The following NCMAP variants were observed in gnomAD, a reference collection of about 807,000 sequenced individuals.
NCMAP encodes the protein noncompact myelin-associated protein.
NCMAP carries 8 observed loss-of-function variants against 7.8 expected under a neutral mutation model. The observed-to-expected ratio is 1.02, with a 90% confidence interval of 0.60 to 1.84. The LOEUF (loss-of-function observed/expected upper bound fraction) is 1.84. NCMAP is among the 40% of genes most tolerant of loss of function. NCMAP has a pLI of 0.00. For synonymous variants in NCMAP, 41 were observed against 52.9 expected, an observed-to-expected ratio of 0.78 and a Z score of 0.98; for missense variants, 112 against 131.4, an observed-to-expected ratio of 0.85 and a Z score of 0.72.
In NCMAP at chr1:24,584,236, A is replaced by T. The variant is rs544580998; in HGVS notation, c.-7-11188A>T. ...TTGGGTCCTTGGCTTGAGCCCAGAG[A>T]CTGAGAGGTAGACGGAAGCCACAGG... is the stretch of plus-strand genomic sequence containing the variant. On this transcript the variant is annotated intron_variant, in intron 1 of 3. Transcript: ENST00000374392. Among the ~76,000 whole-genome samples, 77 of 152,232 alleles carry T rather than the reference A, an allele frequency of 5.1e-4. 3 individuals are homozygous for T. The South Asian group carries it at 0.014, about 27-fold the overall frequency.
intron 1 of NCMAP, among the ~76,000 whole-genome samples, chr1:24,569,011 G>A (rs960005193): frequency 7.4e-6 from 1 of 134,966 alleles, no homozygotes; most frequent in Non-Finnish European, 1.6e-5. Flanking sequence ...TAATATATTT[G>A]TTTTGTTTTG....
chr1:24,566,324 C>A (rs1005628035), intron 1 of NCMAP, among the ~76,000 whole-genome samples: 4 of 152,128 alleles, frequency 2.6e-5, no homozygotes, highest in African/African-American at 9.7e-5. Context: ...CAGGGCCCAC[C>A]TAGCTTCAAG....
At chr1:24,568,185 G>A (rs1313276959) in intron 1 of NCMAP, among the ~76,000 whole-genome samples, 1 of 152,060 alleles carries the variant, frequency 6.6e-6, no homozygotes, top group Admixed American at 6.5e-5. Flanking sequence ...GAGCCCGGGG[G>A]CAGAGAGCAC....
chr1:24,589,818 G>GTTTTTA (rs778480928), intron 1 of NCMAP, among the ~76,000 whole-genome samples: 53 of 152,134 alleles, frequency 3.5e-4, no homozygotes, highest in Non-Finnish European at 6.6e-4. Flanking sequence ...TTAGCTTTAT[G>GTTTTTA]TTTTTATTTT....
At chr1:24,573,390 C>T (rs1291932313) in intron 1 of NCMAP, among the ~76,000 whole-genome samples, 1 of 150,638 alleles carries the variant, frequency 6.6e-6, no homozygotes, top group East Asian at 1.9e-4. Flanking sequence ...GAGTTCAAGA[C>T]CAACCTGGCC....
At chr1:24,597,670 AG>A (rs1652302453) in intron 2 of NCMAP, among the ~76,000 whole-genome samples, 1 of 139,160 alleles carries the variant, frequency 7.2e-6, no homozygotes, top group African/African-American at 2.6e-5. Context: ...AAAGAAAGAA[AG>A]AAAAGAAAAA....
chr1:24,591,139 T>G (rs1486965517), intron 1 of NCMAP, among the ~76,000 whole-genome samples: 1 of 152,218 alleles, frequency 6.6e-6, no homozygotes, highest in Non-Finnish European at 1.5e-5. Flanking sequence ...GTAGCATTAA[T>G]GGCAGACAAA....
Position 24,590,743 on chromosome 1 carries a change from G to A in NCMAP, c.-7-4681G>A, listed in dbSNP as rs552871738. ...CTTCCTCAGCCTCCCAAGTAGTGGG[G>A]ACTACAGGCACACACCACCACCAGG... On this transcript the variant is annotated intron_variant, in intron 1 of 3. Transcript: ENST00000374392. Among the ~76,000 whole-genome samples the A allele has an allele frequency of 2.0e-5, 3 of 152,252 alleles. No homozygotes were observed. The East Asian group carries it at 5.8e-4, about 29-fold the overall frequency.
At chr1:24,565,545 C>T (rs1651201500) in intron 1 of NCMAP, among the ~76,000 whole-genome samples, 1 of 151,008 alleles carries the variant, frequency 6.6e-6, no homozygotes, top group Non-Finnish European at 1.5e-5. Flanking sequence ...GCAAGTGACA[C>T]TGGCCATTTT....
At chr1:24,577,424 T>TTGTTTG (rs1651616572) in intron 1 of NCMAP, among the ~76,000 whole-genome samples, 3 of 145,424 alleles carry the variant, frequency 2.1e-5, no homozygotes, top group Non-Finnish European at 3.0e-5. Context: ...TTTTTTTTTT[T>TTGTTTG]TTTTTTTGGT....
intron 1 of NCMAP, among the ~76,000 whole-genome samples, chr1:24,580,014 G>T (rs1243213488): frequency 6.6e-6 from 1 of 152,182 alleles, no homozygotes; most frequent in African/African-American, 2.4e-5. Context: ...CGAGGGGTAG[G>T]TTCTGGCTAG....
intron 2 of NCMAP, among the ~76,000 whole-genome samples, chr1:24,596,742 CA>C (rs1652242561): frequency 6.6e-6 from 1 of 151,886 alleles, no homozygotes; most frequent in Non-Finnish European, 1.5e-5. Flanking sequence ...TATTGCAAGG[CA>C]AAAAAACATC....
chr1:24,577,682 GT>G (rs1260719162), intron 1 of NCMAP, among the ~76,000 whole-genome samples: 3 of 151,832 alleles, frequency 2.0e-5, no homozygotes, highest in Non-Finnish European at 4.4e-5. Context: ...TTTCTCAGAA[GT>G]TTTCAGTTGC....
chr1:24,595,598 T>C lies in NCMAP; in HGVS notation c.82+86T>C, dbSNP rs1052531683. On this transcript the variant is annotated intron_variant, in intron 2 of 3. Transcript: ENST00000374392. Reference sequence around the variant, plus strand: ...GTGCAGAGGTTAAGAGTGTGGGCTCTGGAGGTGGACTGCCTGGGTCTCAGG... The same window carrying C: ...GTGCAGAGGTTAAGAGTGTGGGCTCCGGAGGTGGACTGCCTGGGTCTCAGG... 1.7e-5 allele frequency: 19 copies of C among 1,092,316 alleles called. No individual in the cohort carries two copies. In the African/African-American group the frequency reaches 3.0e-4, roughly 17 times the overall value. 67.7% of individuals were successfully genotyped at this position (1,092,316 alleles called of 1,614,324 possible).
intron 1 of NCMAP, among the ~76,000 whole-genome samples, chr1:24,568,907 G>A (rs1172346483): frequency 6.6e-6 from 1 of 152,060 alleles, no homozygotes; most frequent in Non-Finnish European, 1.5e-5. Flanking sequence ...AGAGGCATGC[G>A]TCACCATACC....
rs6673388 is a variant in NCMAP at position 24,576,296 on chromosome 1, C to T, written c.-7-19128C>T. On this transcript the variant is annotated intron_variant, in intron 1 of 3. Transcript: ENST00000374392. The surrounding 1 kb of genome is among the most constrained non-coding windows in gnomAD (Gnocchi z 4.0). ...AGAAAAGACAGGCGGCAGGCCAAGACGAGAGTGTAGGTTTAAATGACACCG... is the reference window on the plus strand; with the variant it reads ...AGAAAAGACAGGCGGCAGGCCAAGATGAGAGTGTAGGTTTAAATGACACCG... 0.5 allele frequency among the ~76,000 whole-genome samples: 76,501 copies of T among 152,040 alleles called. 19,695 individuals carry two copies. Among genetic ancestry groups the T allele is most frequent in the Admixed American group, 0.58 (8,813 of 15,268 alleles).
rs765699650 is a variant in NCMAP, at chr1:24,576,528, C to T, written c.-7-18896C>T. On this transcript the variant is annotated intron_variant, in intron 1 of 3. Transcript: ENST00000374392. The surrounding 1 kb of genome is among the most constrained non-coding windows in gnomAD (Gnocchi z 4.0). ...GGAGGGTGTGGAGGCAAACAAGCCT[C>T]GGGGAGGGTGTCCTGAACCAAGTGA... Among the ~76,000 whole-genome samples, 2 of 152,102 alleles carry T rather than the reference C, an allele frequency of 1.3e-5. No homozygotes were observed. The highest frequency in any genetic ancestry group is 1.9e-4 in the East Asian group (1 of 5,162).
At chr1:24,561,685 CA>C (rs1464047581) in intron 1 of NCMAP, among the ~76,000 whole-genome samples, 2 of 152,228 alleles carry the variant, frequency 1.3e-5, no homozygotes, top group Admixed American at 1.3e-4. Context: ...CTGAGGCGGG[CA>C]GATCTCCTGA....
At chr1:24,567,364 G>A (rs1013532091) in intron 1 of NCMAP, among the ~76,000 whole-genome samples, 11 of 152,166 alleles carry the variant, frequency 7.2e-5, no homozygotes, top group African/African-American at 2.4e-4. Context: ...GCTGTGAAGA[G>A]TCTCAGAGGA....
Sources: gnomAD v4.1 joint callset for allele counts (sites outside exome capture counted in the v4.1 genomes callset) on GRCh38, gnomAD v4.1.1 for gene constraint, Gnocchi (gnomAD v3.1) non-coding constraint, MANE v1.5 for transcripts, NCBI Gene and HGNC (gene_info 2026-07-23, HGNC 2026-07-21) for gene names.